PEX7: variants seen among roughly 807,000 people sequenced by gnomAD.
PEX7 encodes the protein PTS2 receptor.
Under a neutral mutation model 47.5 loss-of-function variants are expected in PEX7, and 34 were observed. That is an observed-to-expected ratio of 0.72 (90% CI 0.54 to 0.95). The LOEUF is 0.95. Ranked by LOEUF, PEX7 falls within the 40% of genes least tolerant of loss-of-function variation. PEX7 has a pLI of 0.00. For missense variants in PEX7, 394 were observed against 400.3 expected (o/e 0.98, Z 0.13); for synonymous variants, 141 against 148.8 (o/e 0.95, Z 0.38).
intron 3 of PEX7, among the ~76,000 whole-genome samples, chr6:136,835,294 CTT>C (rs879819248): frequency 4.5e-5 from 6 of 133,668 alleles, no homozygotes; most frequent in Admixed American, 7.4e-5. Context: ...ATTTTTTTTT[CTT>C]TTTTTTTTTT....
At chr6:136,853,960 A>T (rs1027856820) in intron 5 of PEX7, among the ~76,000 whole-genome samples, 1 of 152,040 alleles carries the variant, frequency 6.6e-6, no homozygotes, top group Non-Finnish European at 1.5e-5. Context: ...TCTGAATTAA[A>T]TCTTTTCTAA....
At chr6:136,855,955 C>T (rs527668598) in intron 5 of PEX7, 4 of 200,422 alleles carry the variant, frequency 2.0e-5, no homozygotes, top group East Asian at 3.4e-4. Flanking sequence ...TGTATTAGCC[C>T]TTCATTTGAG....
intron 8 of PEX7, among the ~76,000 whole-genome samples, chr6:136,894,467 G>C (rs112638468): frequency 7.9e-5 from 12 of 152,180 alleles, no homozygotes; most frequent in African/African-American, 2.4e-4. Context: ...GCGTGCGCCT[G>C]TAATTCCAGC....
intron 3 of PEX7, among the ~76,000 whole-genome samples, chr6:136,836,812 G>T (rs2115151598): frequency 6.6e-6 from 1 of 152,230 alleles, no homozygotes; most frequent in East Asian, 1.9e-4. Context: ...AATTAGCCGG[G>T]TGTGGTGGTG....
intron 8 of PEX7, among the ~76,000 whole-genome samples, chr6:136,881,722 C>T (rs958733062): frequency 6.6e-6 from 1 of 152,168 alleles, no homozygotes; most frequent in Non-Finnish European, 1.5e-5. Context: ...AACTACATTT[C>T]TGAAAATCTT....
At chr6:136,838,544 C>T (rs1028204221) in intron 3 of PEX7, among the ~76,000 whole-genome samples, 13 of 151,954 alleles carry the variant, frequency 8.6e-5, no homozygotes, top group Admixed American at 2.0e-4. Context: ...TCAAATAAGC[C>T]GACTGTAAAA....
intron 8 of PEX7, among the ~76,000 whole-genome samples, chr6:136,895,009 C>A (rs945703560): frequency 6.6e-6 from 1 of 152,162 alleles, no homozygotes. Flanking sequence ...ATATATAGCA[C>A]TTATGGGATG....
At chr6:136,832,759 A>C (rs937809977) in intron 3 of PEX7, among the ~76,000 whole-genome samples, 1 of 152,202 alleles carries the variant, frequency 6.6e-6, no homozygotes, top group African/African-American at 2.4e-5. Flanking sequence ...ACGGATCTCT[A>C]GGGCAGGGGC....
At chr6:136,886,263 A>G (rs1775466463) in intron 8 of PEX7, among the ~76,000 whole-genome samples, 1 of 152,146 alleles carries the variant, frequency 6.6e-6, no homozygotes, top group Non-Finnish European at 1.5e-5. Flanking sequence ...CTTTGGAGAT[A>G]TTTAGAAACG....
intron 8 of PEX7, among the ~76,000 whole-genome samples, chr6:136,884,057 A>G (rs1350912045): frequency 1.3e-5 from 2 of 152,246 alleles, no homozygotes; most frequent in South Asian, 2.1e-4. Context: ...ACTTTCTTGT[A>G]ACAAGGAAAA....
intron 2 of PEX7, 152 bp from the exon 3 acceptor site, chr6:136,826,167 T>G (rs1774186976): frequency 1.2e-6 from 1 of 831,956 alleles, no homozygotes; most frequent in Non-Finnish European, 2.0e-6. Context: ...CCTACTCTAC[T>G]TAACTCCCGT....
At chr6:136,864,312 TCA>T (rs1775019042) in intron 5 of PEX7, among the ~76,000 whole-genome samples, 1 of 93,262 alleles carries the variant, frequency 1.1e-5, no homozygotes, top group Non-Finnish European at 2.4e-5. Flanking sequence ...GTATTTTTTC[TCA>T]TAAAAAAAAA....
chr6:136,893,749 AAC>A (rs1237581692), intron 8 of PEX7, among the ~76,000 whole-genome samples: 27 of 152,328 alleles, frequency 1.8e-4, no homozygotes. Flanking sequence ...AAATGATAAA[AAC>A]ACAACAAAAA....
At chr6:136,886,716 T>TCA (rs925582587) in intron 8 of PEX7, among the ~76,000 whole-genome samples, 5 of 151,300 alleles carry the variant, frequency 3.3e-5, no homozygotes, top group Non-Finnish European at 7.4e-5. Context: ...AGGACAGTGG[T>TCA]CACCATACAA....
chr6:136,906,730 C>T (rs180770161), intron 9 of PEX7, among the ~76,000 whole-genome samples: 37 of 152,284 alleles, frequency 2.4e-4, no homozygotes, highest in South Asian at 1.7e-3. Context: ...CCTAACCTAT[C>T]TTTCTCTTTT....
chr6:136,874,438 A>C (rs545001644), intron 8 of PEX7, among the ~76,000 whole-genome samples: 14 of 151,932 alleles, frequency 9.2e-5, no homozygotes, highest in Admixed American at 7.9e-4. Flanking sequence ...TTGGGAGGCC[A>C]AGGTGGGCAG....
intron 3 of PEX7, among the ~76,000 whole-genome samples, chr6:136,843,027 G>A (rs530704555): frequency 2.8e-4 from 42 of 152,308 alleles, no homozygotes; most frequent in Non-Finnish European, 5.6e-4. Flanking sequence ...ACCAGCAGGG[G>A]TAGAGCTTTA....
chr6:136,841,529 C>T (rs1053834550), intron 3 of PEX7, among the ~76,000 whole-genome samples: 34 of 152,270 alleles, frequency 2.2e-4, no homozygotes, highest in African/African-American at 8.2e-4. Context: ...CTTCTGAGCA[C>T]GAAGCTGAAT....
At chr6:136,839,414 G>A (rs547195776) in intron 3 of PEX7, among the ~76,000 whole-genome samples, 24 of 152,294 alleles carry the variant, frequency 1.6e-4, no homozygotes, top group African/African-American at 5.8e-4. Context: ...ATTGGTTTCA[G>A]TAATAAAATT....
Sources: gnomAD v4.1 joint callset for allele counts (sites outside exome capture counted in the v4.1 genomes callset) on GRCh38, gnomAD v4.1.1 for gene constraint, MANE v1.5 for transcripts, NCBI Gene and HGNC (gene_info 2026-07-23, HGNC 2026-07-21) for gene names.